Variants in XKR4 observed in about 807,000 individuals in gnomAD.
XKR4 encodes XK related 4.
A neutral mutation model predicts 53.9 loss-of-function variants in XKR4; 12 were observed. The ratio of observed to expected loss-of-function variants is 0.22; its 90% CI spans 0.14 to 0.36. XKR4 has a LOEUF of 0.36. Among genes scored for constraint, XKR4 ranks in the 10% least tolerant of loss-of-function variants. XKR4 has a pLI of 1.00. For missense variants in XKR4, 799 were observed against 859.5 expected (o/e 0.93, Z 0.88); for synonymous variants, 354 against 362.4 (o/e 0.98, Z 0.26).
chr8:55,434,545 G>C (rs1437327354), intron 2 of XKR4, among the ~76,000 whole-genome samples: 2 of 152,032 alleles, frequency 1.3e-5, no homozygotes, highest in African/African-American at 4.8e-5. Flanking sequence ...CATGGGATTG[G>C]TGATATGGAG....
chr8:55,147,020 A>C (rs551531213), intron 1 of XKR4, among the ~76,000 whole-genome samples: 1 of 152,352 alleles, frequency 6.6e-6, no homozygotes, highest in South Asian at 2.1e-4. Context: ...TGTTTTTGAA[A>C]ATAATTTGGG....
At chr8:55,337,346 GT>G (rs1438610527) in intron 1 of XKR4, among the ~76,000 whole-genome samples, 1 of 152,140 alleles carries the variant, frequency 6.6e-6, no homozygotes, top group Non-Finnish European at 1.5e-5. Context: ...TTGCTCACCA[GT>G]TTTTATATTT....
At chr8:55,321,448 G>A (rs535843722) in intron 1 of XKR4, among the ~76,000 whole-genome samples, 1 of 152,150 alleles carries the variant, frequency 6.6e-6, no homozygotes, top group East Asian at 1.9e-4. Context: ...TCAAAACAAA[G>A]CTGTTCTCAC....
chr8:55,110,776 A>G (rs1816220379), intron 1 of XKR4, among the ~76,000 whole-genome samples: 2 of 152,230 alleles, frequency 1.3e-5, no homozygotes, highest in South Asian at 4.1e-4. Flanking sequence ...CTGAAAATAT[A>G]CTTATATATG....
At chr8:55,523,067 A>G (rs1432654671) in intron 2 of XKR4, among the ~76,000 whole-genome samples, 2 of 151,416 alleles carry the variant, frequency 1.3e-5, no homozygotes, top group African/African-American at 2.4e-5. Context: ...GCGTGAACCC[A>G]GGAGGCGGAG....
chr8:55,196,338 T>C (rs544381374), intron 1 of XKR4, among the ~76,000 whole-genome samples: 1 of 152,136 alleles, frequency 6.6e-6, no homozygotes. Flanking sequence ...TTCACCACCA[T>C]GCGCAGCTAA....
intron 1 of XKR4, among the ~76,000 whole-genome samples, chr8:55,226,498 G>T (rs1007165558): frequency 6.6e-6 from 1 of 152,118 alleles, no homozygotes; most frequent in Non-Finnish European, 1.5e-5. Flanking sequence ...GGAGAATGGT[G>T]GTGGGGCTGG....
chr8:55,415,562 G>A (rs1804834884), intron 2 of XKR4, among the ~76,000 whole-genome samples: 1 of 152,148 alleles, frequency 6.6e-6, no homozygotes, highest in South Asian at 2.1e-4. Context: ...CTGAATGTAT[G>A]TTAATGAACT....
intron 1 of XKR4, among the ~76,000 whole-genome samples, chr8:55,300,144 T>A (rs1442502748): frequency 1.3e-5 from 2 of 152,138 alleles, no homozygotes; most frequent in Admixed American, 1.3e-4. Context: ...GTGAAGCAGG[T>A]GGTTCAGTCG....
At chr8:55,125,618 T>G (rs957393746) in intron 1 of XKR4, among the ~76,000 whole-genome samples, 9 of 152,134 alleles carry the variant, frequency 5.9e-5, no homozygotes, top group African/African-American at 2.2e-4. Flanking sequence ...CCATAAACAG[T>G]CCAAAGACAT....
In XKR4 at chr8:55,523,746, C is replaced by T. The variant is rs1022997330; in HGVS notation, c.1472C>T (p.Ala491Val). Reference protein sequence around the residue: ...PQIADAFAIPALCVVFSSFLT... With the variant: ...PQIADAFAIPVLCVVFSSFLT... Reference sequence around the variant, plus strand: ...ATTGCAGACGCATTTGCCATTCCAGCGCTGTGTGTGGTGTTCAGCAGCTTT... The same window carrying T: ...ATTGCAGACGCATTTGCCATTCCAGTGCTGTGTGTGGTGTTCAGCAGCTTT... The change falls in exon 3 of 3, where the codon GCG (alanine) becomes GTG (valine). Residue 491 changes from alanine (A) to valine (V), a missense_variant. Physicochemically the swap from Ala to Val is moderately conservative, Grantham distance 64 (BLOSUM62 0). Around this residue, in one of 3 missense-constraint regions of XKR4, gnomAD observed 269 missense variants for 264.4 expected, o/e 1.02. Coordinates refer to ENST00000327381, the MANE Select transcript of XKR4 (RefSeq NM_052898.2). 7 of 1,614,184 alleles carry T rather than the reference C, an allele frequency of 4.3e-6. No homozygotes were observed. Among genetic ancestry groups the T allele is most frequent in the East Asian group, 2.2e-5 (1 of 44,886 alleles).
chr8:55,270,806 C>T (rs1260231351), intron 1 of XKR4, among the ~76,000 whole-genome samples: 1 of 152,166 alleles, frequency 6.6e-6, no homozygotes, highest in Non-Finnish European at 1.5e-5. Flanking sequence ...TTTCTTCTTC[C>T]ACGCATGACT....
At chr8:55,475,876 C>T (rs1805976678) in intron 2 of XKR4, among the ~76,000 whole-genome samples, 2 of 151,966 alleles carry the variant, frequency 1.3e-5, no homozygotes, top group East Asian at 3.9e-4. Flanking sequence ...GCTGGGATTA[C>T]AGGCATGAGC....
chr8:55,307,709 T>A (rs964995274), intron 1 of XKR4, among the ~76,000 whole-genome samples: 1 of 152,022 alleles, frequency 6.6e-6, no homozygotes, highest in African/African-American at 2.4e-5. Context: ...ATGTGCAACA[T>A]CTTCAGAAAT....
chr8:55,223,411 A>C (rs947727657), intron 1 of XKR4, among the ~76,000 whole-genome samples: 28 of 152,236 alleles, frequency 1.8e-4, no homozygotes, highest in African/African-American at 6.3e-4. Context: ...GGAAACTTAC[A>C]AGATAAAAAT....
At chr8:55,465,635 T>C (rs1257513950) in intron 2 of XKR4, among the ~76,000 whole-genome samples, 1 of 151,534 alleles carries the variant, frequency 6.6e-6, no homozygotes, top group Non-Finnish European at 1.5e-5. Flanking sequence ...AATTGACAAA[T>C]GGGATCTAAT....
At chr8:55,389,497 G>A (rs545296280) in intron 2 of XKR4, among the ~76,000 whole-genome samples, 5 of 152,268 alleles carry the variant, frequency 3.3e-5, no homozygotes, top group African/African-American at 7.2e-5. Context: ...TATTTGTCTC[G>A]TGGAATCCAT....
At position 55,102,352 on chromosome 8, in the gene XKR4, G is replaced by T; in HGVS notation, c.-137G>T. 1 of 1,125,172 alleles carries T rather than the reference G, an allele frequency of 8.9e-7. No homozygotes were observed. The highest frequency in any genetic ancestry group is 1.1e-6 in the Non-Finnish European group (1 of 906,958). The allele number at this position is 1,125,172 out of a possible 1,614,324, so 69.7% of individuals were successfully genotyped here. ...GCGGGCGGCGGCGGACGGCAGGCGAGCCGACGCAGGAGCAGGAGGAGGGGG... is the reference window on the plus strand; with the variant it reads ...GCGGGCGGCGGCGGACGGCAGGCGATCCGACGCAGGAGCAGGAGGAGGGGG... On this transcript the variant is annotated 5_prime_UTR_variant, in exon 1 of 3. Coordinates refer to ENST00000327381, the MANE Select transcript of XKR4 (RefSeq NM_052898.2). This position sits in a 1 kb window ranked among gnomAD's most constrained non-coding sequence, Gnocchi z 5.1.
chr8:55,342,823 C>T (rs1380883985), intron 1 of XKR4, among the ~76,000 whole-genome samples: 1 of 152,196 alleles, frequency 6.6e-6, no homozygotes, highest in Non-Finnish European at 1.5e-5. Context: ...TGGCACTTAG[C>T]ATAAACTTGT....
Sources: gnomAD v4.1 joint callset for allele counts (sites outside exome capture counted in the v4.1 genomes callset) on GRCh38, gnomAD v4.1.1 for gene constraint, gnomAD v4.1.1 regional missense constraint, Gnocchi (gnomAD v3.1) non-coding constraint, MANE v1.5 for transcripts, NCBI Gene and HGNC (gene_info 2026-07-23, HGNC 2026-07-21) for gene names.